SIPA1L2: variants seen among roughly 807,000 people sequenced by gnomAD.
SIPA1L2 encodes the protein signal induced proliferation associated 1 like 2.
A neutral mutation model predicts 163.9 loss-of-function variants in SIPA1L2; 56 were observed. The ratio of observed to expected loss-of-function variants is 0.34; its 90% confidence interval spans 0.28 to 0.43. SIPA1L2 has a LOEUF of 0.43. Among genes scored for constraint, SIPA1L2 ranks in the 20% least tolerant of loss-of-function variants. SIPA1L2 has a pLI of 1.00. For missense variants in SIPA1L2, 1,974 were observed against 2,193.5 expected (o/e 0.90, Z 2.00); for synonymous variants, 877 against 865.7 (o/e 1.01, Z -0.23).
At position 232,415,516 on chromosome 1, in the gene SIPA1L2, C is replaced by T. The variant is rs376922750; in HGVS notation, c.4740G>A (p.Val1580=). 2 of 1,612,404 alleles carry T rather than the reference C, an allele frequency of 1.2e-6. No homozygotes were observed. The highest frequency in any genetic ancestry group is 4.5e-5 in the East Asian group (2 of 44,784). ...TATGLDWTHL[V]DAARAFEGLD... is the part of the protein sequence containing the mutation. ...TACCTTCAAATGCCCGTGCAGCATC[C>T]ACGAGGTGGGTCCAATCTAACCCTG... is the stretch of plus-strand genomic sequence containing the variant. The change falls in exon 19 of 23, where the codon GTG becomes GTA. Residue 1580 remains valine, a synonymous_variant. Transcript: ENST00000674635.
chr1:232,456,189 G>C (rs1663906940), intron 10 of SIPA1L2, among the ~76,000 whole-genome samples: 1 of 152,254 alleles, frequency 6.6e-6, no homozygotes, highest in South Asian at 2.1e-4. Flanking sequence ...AGGCTCACTT[G>C]AGTCCAGATT....
intron 18 of SIPA1L2, among the ~76,000 whole-genome samples, chr1:232,416,656 T>C (rs1292348015): frequency 1.3e-5 from 2 of 152,228 alleles, no homozygotes; most frequent in East Asian, 1.9e-4. Context: ...CAATTGATTA[T>C]AAAAATGTAG....
chr1:232,479,501 T>C (rs921197937), intron 7 of SIPA1L2, 126 bp downstream of exon 7: 7 of 728,766 alleles, frequency 9.6e-6, no homozygotes, highest in Admixed American at 2.3e-5. Context: ...GAGTCAAAGA[T>C]GATTAATGCT....
chr1:232,412,334 G>A (rs543382814), intron 19 of SIPA1L2, among the ~76,000 whole-genome samples: 27 of 152,146 alleles, frequency 1.8e-4, no homozygotes, highest in Non-Finnish European at 3.7e-4. Context: ...CATTTTCCAA[G>A]CCTATTTTCA....
chr1:232,403,623 G>A (rs1216765706), intron 20 of SIPA1L2, 52 bp from the exon 21 acceptor site: 1 of 1,543,616 alleles, frequency 6.5e-7, no homozygotes, highest in East Asian at 2.3e-5. Context: ...TCAATGCAAG[G>A]CAATGTTTCT....
chr1:232,526,580 C>G (rs778900703), intron 2 of SIPA1L2, among the ~76,000 whole-genome samples: 4 of 152,164 alleles, frequency 2.6e-5, no homozygotes, highest in Non-Finnish European at 4.4e-5. Context: ...GCCTGCTGCT[C>G]GCCTCCTTCT....
chr1:232,435,666 C>G (rs753024734), intron 15 of SIPA1L2, among the ~76,000 whole-genome samples: 3 of 152,168 alleles, frequency 2.0e-5, no homozygotes, highest in African/African-American at 7.2e-5. Context: ...TTTGCAAAGC[C>G]TTAGTTAGGT....
intron 4 of SIPA1L2, 55 bp downstream of exon 4, chr1:232,493,472 A>C: frequency 1.9e-6 from 3 of 1,600,118 alleles, no homozygotes; most frequent in East Asian, 2.2e-5. Context: ...TGAAGCAGTA[A>C]CACCAAAGGA....
At chr1:232,410,313 T>C (rs1347111143) in intron 19 of SIPA1L2, among the ~76,000 whole-genome samples, 2 of 152,166 alleles carry the variant, frequency 1.3e-5, no homozygotes, top group African/African-American at 4.8e-5. Context: ...GACAAATTGA[T>C]ATAGCTTTTA....
chr1:232,432,125 G>C (rs1662278879), intron 16 of SIPA1L2, 122 bp downstream of exon 16: 1 of 788,560 alleles, frequency 1.3e-6, no homozygotes, highest in Admixed American at 2.9e-5. Context: ...AAGAGTTTAA[G>C]AAAGATGTTT....
intron 1 of SIPA1L2, among the ~76,000 whole-genome samples, chr1:232,588,951 A>G (rs1418719607): frequency 6.6e-6 from 1 of 152,052 alleles, no homozygotes; most frequent in African/African-American, 2.4e-5. Context: ...TTTATTTCTG[A>G]TATGGTAGAT....
At position 232,513,891 on chromosome 1, in the gene SIPA1L2, C is replaced by T; in HGVS notation, c.1449G>A (p.Gly483=). ...KRYIIEHIDL[G]AYYYRKFFYG... The stretch of plus-strand genomic sequence containing the variant: ...AGAAGAATTTGCGGTAATAATAGGC[C>T]CCAAGGTCAATGTGTTCTATGATGT... Residue 483 remains glycine (G), a synonymous_variant, in exon 3 of 23, where the codon GGG becomes GGA. Transcript: ENST00000674635. 6.2e-7 allele frequency: 1 copy of T among 1,600,836 alleles called. No homozygotes were observed. The highest frequency in any genetic ancestry group is 8.5e-7 in the Non-Finnish European group (1 of 1,175,314).
intron 2 of SIPA1L2, among the ~76,000 whole-genome samples, chr1:232,519,262 G>A (rs1423520919): frequency 1.3e-5 from 2 of 152,208 alleles, no homozygotes; most frequent in Admixed American, 6.5e-5. Context: ...GCTTCCTCTA[G>A]TAGACCCAAG....
chr1:232,492,757 C>T (rs1665995894), intron 4 of SIPA1L2, among the ~76,000 whole-genome samples: 1 of 152,090 alleles, frequency 6.6e-6, no homozygotes, highest in Non-Finnish European at 1.5e-5. Context: ...TCCCTGTACC[C>T]CCACTGCATC....
chr1:232,628,143 C>CCTGCTG (rs751657765), intron 1 of SIPA1L2, among the ~76,000 whole-genome samples: 9 of 151,518 alleles, frequency 5.9e-5, no homozygotes, highest in African/African-American at 1.9e-4. Context: ...TAACTGGGAG[C>CCTGCTG]CTGCTGCTGC....
intron 17 of SIPA1L2, among the ~76,000 whole-genome samples, chr1:232,426,980 T>C (rs899645103): frequency 6.6e-6 from 1 of 152,252 alleles, no homozygotes; most frequent in African/African-American, 2.4e-5. Context: ...TCTAAAAATA[T>C]TCCTATTGTG....
intron 2 of SIPA1L2, among the ~76,000 whole-genome samples, chr1:232,551,646 T>C (rs1255087443): frequency 6.6e-6 from 1 of 152,126 alleles, no homozygotes; most frequent in Non-Finnish European, 1.5e-5. Context: ...GACAGAGCGC[T>C]CCAGGCTGCC....
At chr1:232,460,804 G>C in intron 10 of SIPA1L2, 83 bp downstream of exon 10, 1 of 1,499,612 alleles carries the variant, frequency 6.7e-7, no homozygotes, top group Non-Finnish European at 9.0e-7. Flanking sequence ...CATTTTCTGA[G>C]GACCTTGCAG....
intron 2 of SIPA1L2, among the ~76,000 whole-genome samples, chr1:232,546,337 C>T (rs1484477347): frequency 6.6e-6 from 1 of 152,222 alleles, no homozygotes; most frequent in Non-Finnish European, 1.5e-5. Flanking sequence ...GCCAAGACTT[C>T]ACCTTTATTG....
Sources: gnomAD v4.1 joint callset for allele counts (sites outside exome capture counted in the v4.1 genomes callset) on GRCh38, gnomAD v4.1.1 for gene constraint, MANE v1.5 for transcripts, NCBI Gene and HGNC (gene_info 2026-07-23, HGNC 2026-07-21) for gene names.